Variants in TMC1 observed in about 807,000 individuals in gnomAD.
The protein encoded by TMC1 is transmembrane channel like 1.
Under a neutral mutation model 105.8 loss-of-function variants are expected in TMC1, and 84 were observed. The observed-to-expected ratio is 0.79, with a 90% confidence interval of 0.67 to 0.95. The LOEUF (loss-of-function observed/expected upper bound fraction) is 0.95. TMC1 is among the 40% of genes least tolerant of loss of function. The probability of loss-of-function intolerance (pLI) is 0.00; values close to 1 mark genes in which losing one functional copy is unlikely to be tolerated. For missense variants in TMC1, 817 were observed against 914.1 expected, an observed-to-expected ratio of 0.89 and a Z score of 1.37; for synonymous variants, 315 against 311.5, an observed-to-expected ratio of 1.01 and a Z score of -0.12.
At chr9:72,752,009 A>G (rs752255917) in intron 11 of TMC1, 53 bp downstream of exon 11, 4 of 1,139,464 alleles carry the variant, frequency 3.5e-6, no homozygotes, top group Non-Finnish European at 5.3e-6. Context: ...TTCTCCTAGA[A>G]AAGTATTTAT....
chr9:72,827,120 C>A, intron 21 of TMC1, 126 bp downstream of exon 21: 1 of 1,262,076 alleles, frequency 7.9e-7, no homozygotes, highest in Non-Finnish European at 1.2e-6. Context: ...AAATTCAACA[C>A]TGATTACATG....
intron 5 of TMC1, among the ~76,000 whole-genome samples, chr9:72,684,105 A>C (rs982526774): frequency 6.6e-6 from 1 of 152,092 alleles, no homozygotes; most frequent in Non-Finnish European, 1.5e-5. Flanking sequence ...GGAATTAATA[A>C]TCTAATTCGT....
chr9:72,743,308 A>C (rs1370506217), intron 10 of TMC1, among the ~76,000 whole-genome samples: 1 of 149,798 alleles, frequency 6.7e-6, no homozygotes, highest in African/African-American at 2.4e-5. Context: ...CGGAGCTTGC[A>C]GTGAGCCGAG....
At chr9:72,535,774 C>G (rs1054894491) in intron 1 of TMC1, among the ~76,000 whole-genome samples, 7 of 152,222 alleles carry the variant, frequency 4.6e-5, no homozygotes, top group East Asian at 1.9e-4. Context: ...GTAAGCGGAG[C>G]CTTCATGTGT....
At position 72,700,713 on chromosome 9, in the gene TMC1, CATATAT is replaced by C. The variant is rs72200654; in HGVS notation, c.362+96_362+101del. ...GATTTTCTAAATCCTCTGAATATTC[CATATAT>C]ATATATATATATATATATATATATA... On this transcript the variant is annotated intron_variant, in intron 8 of 23. Coordinates refer to ENST00000297784, the MANE Select transcript of TMC1 (RefSeq NM_138691.3). The C allele has an allele frequency of 0.027, 8,680 of 317,394 alleles. 143 individuals are homozygous for C. The highest frequency in any genetic ancestry group is 0.038 in the Non-Finnish European group (6,182 of 163,148). 19.7% of individuals were successfully genotyped at this position (317,394 alleles called of 1,614,324 possible).
intron 1 of TMC1, among the ~76,000 whole-genome samples, chr9:72,561,611 G>A (rs1395852505): frequency 1.3e-5 from 2 of 152,202 alleles, no homozygotes; most frequent in African/African-American, 4.8e-5. Flanking sequence ...TTCAGCTTAA[G>A]TCTCACAGCC....
At chr9:72,614,849 T>G (rs2132122498) in intron 2 of TMC1, among the ~76,000 whole-genome samples, 1 of 152,206 alleles carries the variant, frequency 6.6e-6, no homozygotes, top group Admixed American at 6.5e-5. Flanking sequence ...CTGGCTAATT[T>G]TTTGTATTTT....
At chr9:72,527,099 A>G (rs1823418679) in intron 1 of TMC1, among the ~76,000 whole-genome samples, 1 of 152,166 alleles carries the variant, frequency 6.6e-6, no homozygotes, top group African/African-American at 2.4e-5. Context: ...GTTAGCTCTG[A>G]GGGGCGTGGC....
At chr9:72,586,674 C>T (rs1248403014) in intron 2 of TMC1, among the ~76,000 whole-genome samples, 1 of 152,176 alleles carries the variant, frequency 6.6e-6, no homozygotes, top group Non-Finnish European at 1.5e-5. Context: ...CAAAGAGGAT[C>T]ATCTGGTCAT....
At chr9:72,774,883 G>A (rs529955683) in intron 13 of TMC1, among the ~76,000 whole-genome samples, 2 of 152,246 alleles carry the variant, frequency 1.3e-5, no homozygotes, top group East Asian at 3.9e-4. Context: ...ATAAGTTTGA[G>A]CGGATTTATG....
At chr9:72,765,710 T>TA in intron 12 of TMC1, among the ~76,000 whole-genome samples, 1 of 152,186 alleles carries the variant, frequency 6.6e-6, no homozygotes, top group Non-Finnish European at 1.5e-5. Flanking sequence ...AGTCAGACTT[T>TA]ATCCTATAGG....
intron 15 of TMC1, among the ~76,000 whole-genome samples, 156 bp from the exon 16 acceptor site, chr9:72,791,730 T>G (rs1215225659): frequency 6.6e-6 from 1 of 152,222 alleles, no homozygotes; most frequent in Non-Finnish European, 1.5e-5. Flanking sequence ...TCCCTGTCAT[T>G]TTATTGAGAT....
At chr9:72,737,118 A>G (rs1827311599) in intron 8 of TMC1, among the ~76,000 whole-genome samples, 1 of 152,094 alleles carries the variant, frequency 6.6e-6, no homozygotes, top group Non-Finnish European at 1.5e-5. Context: ...TGTGTGGGGA[A>G]GTGTGGTAGC....
chr9:72,763,584 A>G (rs1409156875), intron 12 of TMC1, among the ~76,000 whole-genome samples: 1 of 152,200 alleles, frequency 6.6e-6, no homozygotes, highest in Non-Finnish European at 1.5e-5. Context: ...CAACCTCTGA[A>G]TTTGAAAGAA....
intron 8 of TMC1, among the ~76,000 whole-genome samples, chr9:72,711,356 A>G (rs2117909604): frequency 6.6e-6 from 1 of 152,296 alleles, no homozygotes; most frequent in African/African-American, 2.4e-5. Flanking sequence ...GTCTTCCACA[A>G]TGGTTGAACT....
intron 5 of TMC1, among the ~76,000 whole-genome samples, chr9:72,665,728 C>A (rs1280309181): frequency 6.6e-6 from 1 of 152,162 alleles, no homozygotes; most frequent in African/African-American, 2.4e-5. Context: ...ATCTAACAGG[C>A]CTTCAGTTAG....
At chr9:72,751,990 GA>G (rs1432212303) in intron 11 of TMC1, 34 bp downstream of exon 11, 1 of 1,324,420 alleles carries the variant, frequency 7.6e-7, no homozygotes, top group East Asian at 2.3e-5. Flanking sequence ...AAAACATGCT[GA>G]AAAATGTTTC....
intron 23 of TMC1, among the ~76,000 whole-genome samples, chr9:72,835,052 C>T (rs1829099021): frequency 6.6e-6 from 1 of 152,164 alleles, no homozygotes; most frequent in African/African-American, 2.4e-5. Flanking sequence ...TATCATTAAT[C>T]TGTCTGCTTT....
chr9:72,753,855 G>A (rs1038835262), intron 11 of TMC1, among the ~76,000 whole-genome samples: 1 of 152,092 alleles, frequency 6.6e-6, no homozygotes, highest in African/African-American at 2.4e-5. Flanking sequence ...TGTCCTCTGT[G>A]CCCCCGAACT....
Sources: allele counts gnomAD v4.1 joint callset (sites outside exome capture counted in the v4.1 genomes callset), GRCh38; gene constraint gnomAD v4.1.1; transcripts MANE v1.5; gene names NCBI Gene and HGNC (gene_info 2026-07-23, HGNC 2026-07-21).